USP42: variants seen among roughly 807,000 people sequenced by gnomAD.
USP42 encodes ubiquitin carboxyl-terminal hydrolase 42.
In USP42, 23 loss-of-function variants were observed where a neutral mutation model predicts 113.0. The observed-to-expected ratio is 0.20, with a 90% CI of 0.15 to 0.29. The LOEUF (loss-of-function observed/expected upper bound fraction) is 0.29. USP42 is among the 10% of genes least tolerant of loss of function. USP42 has a pLI of 1.00. For missense variants in USP42, 2,174 were observed against 1,779.8 expected, an observed-to-expected ratio of 1.22 and a Z score of -3.99; for synonymous variants, 933 against 699.0, an observed-to-expected ratio of 1.33 and a Z score of -5.28.
rs1207485772 is a variant in USP42, at chr7:6,158,885, G to T, written c.3944-565G>T. Reference sequence around the variant, plus strand: ...GCCCCCGAGGCAGCTGGTCCAGCGGGAGGGAGGTTGAACGTGATCTTGTTT... The same window carrying T: ...GCCCCCGAGGCAGCTGGTCCAGCGGTAGGGAGGTTGAACGTGATCTTGTTT... On this transcript the variant is annotated intron_variant, in intron 16 of 17. Coordinates refer to ENST00000306177, the MANE Select transcript of USP42 (RefSeq NM_032172.3). This position sits in a 1 kb window ranked among gnomAD's most constrained non-coding sequence, Gnocchi z 4.2. 6.6e-6 allele frequency among the ~76,000 whole-genome samples: 1 copy of T among 152,086 alleles called. No homozygotes were observed. The highest frequency in any genetic ancestry group is 2.4e-5 in the African/African-American group (1 of 41,402).
At chr7:6,083,773 T>C in the USP42 span, among the ~76,000 whole-genome samples, 2 of 150,860 alleles carry the variant, frequency 1.3e-5, no homozygotes, top group African/African-American at 5.0e-5. Flanking sequence ...GAACTCTCCA[T>C]CTTAGGGCAT....
chr7:6,123,709 G>A (rs564180880), intron 3 of USP42, among the ~76,000 whole-genome samples: 9 of 151,746 alleles, frequency 5.9e-5, no homozygotes, highest in East Asian at 3.9e-4. Flanking sequence ...TTAGCTAGGC[G>A]TGGTGGTGTT....
At chr7:6,112,757 C>T (rs187219996) in intron 2 of USP42, among the ~76,000 whole-genome samples, 3 of 151,950 alleles carry the variant, frequency 2.0e-5, no homozygotes, top group East Asian at 3.9e-4. Flanking sequence ...CATTAGCTGT[C>T]GTTAGTGTTA....
chr7:6,096,193 C>T, the USP42 span, among the ~76,000 whole-genome samples: 1 of 151,336 alleles, frequency 6.6e-6, no homozygotes, highest in African/African-American at 2.5e-5. Flanking sequence ...GTATACCTGG[C>T]CAGGCGTGGT....
chr7:6,147,947 C>T (rs755040467), intron 12 of USP42, 55 bp downstream of exon 12: 1 of 1,520,518 alleles, frequency 6.6e-7, no homozygotes, highest in Non-Finnish European at 8.9e-7. Context: ...AATGTAACTT[C>T]AAACTCTCAA....
rs763813423 is a variant in USP42, at chr7:6,154,633, G to C, written c.3079G>C (p.Gly1027Arg). 6 of 1,602,690 alleles carry C rather than the reference G, an allele frequency of 3.7e-6. No individual in the cohort carries two copies. Among genetic ancestry groups the C allele is most frequent in the South Asian group, 2.2e-5 (2 of 89,118 alleles). Reference protein sequence around the residue: ...CSHHHSRHRSGVELDWVRHHY... With the variant: ...CSHHHSRHRSRVELDWVRHHY... ...TCACCACCACTCCCGACACCGGAGC[G>C]GGGTGGAGCTGGACTGGGTCAGACA... Residue 1027 changes from glycine to arginine, a missense_variant, in exon 15 of 18, where the codon GGG (glycine) becomes CGG (arginine). Coordinates refer to ENST00000306177, the MANE Select transcript of USP42 (RefSeq NM_032172.3).
chr7:6,098,106 T>C, the USP42 span, among the ~76,000 whole-genome samples: 314 of 148,340 alleles, frequency 2.1e-3, 13 homozygotes, highest in East Asian at 0.057. Flanking sequence ...GGTTTCACCA[T>C]GTTGGCCAGG....
At chr7:6,148,691 C>T (rs11535148) in intron 12 of USP42, among the ~76,000 whole-genome samples, 10,066 of 152,214 alleles carry the variant, frequency 0.066, 782 homozygotes, top group East Asian at 0.43. Context: ...CTCATCTGAG[C>T]TGTGGCATCT....
rs946471817 is a variant in USP42, at chr7:6,158,563, G to A, written c.3944-887G>A. 1.3e-5 allele frequency among the ~76,000 whole-genome samples: 2 copies of A among 152,218 alleles called. No homozygotes were observed. Among genetic ancestry groups the A allele is most frequent in the Admixed American group, 6.5e-5 (1 of 15,290 alleles). On this transcript the variant is annotated intron_variant, in intron 16 of 17. Transcript: ENST00000306177. This position sits in a 1 kb window ranked among gnomAD's most constrained non-coding sequence, Gnocchi z 4.2. ...CCTTAGAGTGTGTGAGAGAGAGCTGGGGGTTGCGGGGTGAGCCCCATGGGG... is the reference window on the plus strand; with the variant it reads ...CCTTAGAGTGTGTGAGAGAGAGCTGAGGGTTGCGGGGTGAGCCCCATGGGG...
the USP42 span, among the ~76,000 whole-genome samples, chr7:6,087,593 T>C: frequency 1.3e-5 from 2 of 150,830 alleles, no homozygotes; most frequent in African/African-American, 5.0e-5. Flanking sequence ...CGCTTCGGCC[T>C]CCCAAAGTGC....
intron 14 of USP42, 148 bp from the exon 15 acceptor site, chr7:6,153,608 A>G: frequency 1.9e-6 from 2 of 1,061,860 alleles, no homozygotes; most frequent in Admixed American, 3.5e-5. Flanking sequence ...CATTGTGCAC[A>G]TGTAGCCTGA....
rs1187014222 is a variant in USP42 at position 6,149,603 on chromosome 7, G to C, written c.1407G>C (p.Gly469=). The change falls in exon 13 of 18, where the codon GGG becomes GGC. Residue 469 remains glycine (G), a synonymous_variant. Coordinates refer to ENST00000306177, the MANE Select transcript of USP42 (RefSeq NM_032172.3). ...TCCAGAATCCACCTCACTTAAATGGGACTGGACCATTGAAAGACACGCCAA... is the reference window on the plus strand; with the variant it reads ...TCCAGAATCCACCTCACTTAAATGGCACTGGACCATTGAAAGACACGCCAA... ...HMIKNPPHLN[G]TGPLKDTPSS... The C allele has an allele frequency of 6.2e-7, 1 of 1,613,794 alleles. No homozygotes were observed. Among genetic ancestry groups the C allele is most frequent in the Admixed American group, 1.7e-5 (1 of 60,008 alleles).
chr7:6,159,340 C>A lies in USP42; in HGVS notation c.3944-110C>A. On this transcript the variant is annotated intron_variant, in intron 16 of 17. Coordinates refer to ENST00000306177, the MANE Select transcript of USP42 (RefSeq NM_032172.3). The surrounding 1 kb of genome is among the most constrained non-coding windows in gnomAD (Gnocchi z 4.1). ...ACTGGGGAGTGGCCTCAGGCGCTCACAGGGAACCGCAGTGACTCTGACCAT... is the reference window on the plus strand; with the variant it reads ...ACTGGGGAGTGGCCTCAGGCGCTCAAAGGGAACCGCAGTGACTCTGACCAT... 1.4e-6 allele frequency: 2 copies of A among 1,475,556 alleles called. No homozygotes were observed. The highest frequency in any genetic ancestry group is 1.9e-6 in the Non-Finnish European group (2 of 1,069,504). 91.4% of individuals were successfully genotyped at this position (1,475,556 alleles called of 1,614,324 possible).
chr7:6,154,258 C>T lies in USP42; in HGVS notation c.2704C>T (p.Pro902Ser). ...CGAGGCCGCAGAGCGGCCGCCAGCT[C>T]CTGTGCTGGACATGGCCCCGGCCGG... is the stretch of plus-strand genomic sequence containing the variant. ...APEAAERPPA[P>S]VLDMAPAGHP... The change falls in exon 15 of 18, where the codon CCT becomes TCT. Residue 902 changes from proline to serine, a missense_variant. Coordinates refer to ENST00000306177, the MANE Select transcript of USP42 (RefSeq NM_032172.3). 1 of 1,604,694 alleles carries T rather than the reference C, an allele frequency of 6.2e-7. No homozygotes were observed. Among genetic ancestry groups the T allele is most frequent in the East Asian group, 2.2e-5 (1 of 44,530 alleles).
At chr7:6,097,816 TC>T in the USP42 span, among the ~76,000 whole-genome samples, 1 of 150,014 alleles carries the variant, frequency 6.7e-6, no homozygotes, top group African/African-American at 2.5e-5. Context: ...GGTCTCGATC[TC>T]CTGACCTCGT....
Position 6,159,618 on chromosome 7 carries a change from G to A in USP42, c.*36+125G>A. ...TCATAGGAGTTGGCAGAGCCATGGA[G>A]AGGCCCCGGCAGGTTCCCAGCCAGC... On this transcript the variant is annotated intron_variant, in intron 17 of 17. Transcript: ENST00000306177. The surrounding 1 kb of genome is among the most constrained non-coding windows in gnomAD (Gnocchi z 4.1). 3.0e-6 allele frequency: 3 copies of A among 997,014 alleles called. No homozygotes were observed. The highest frequency in any genetic ancestry group is 3.2e-5 in the South Asian group (2 of 62,776). The allele number at this position is 997,014 out of a possible 1,614,324, so 61.8% of individuals were successfully genotyped here. A position where few individuals can be genotyped will look rare whatever the true frequency, so the allele number is the denominator to read the frequency against.
At chr7:6,102,128 T>C (rs1790144933), upstream of USP42, among the ~76,000 whole-genome samples, 1 of 132,978 alleles carries the variant, frequency 7.5e-6, no homozygotes, top group Admixed American at 7.6e-5. Flanking sequence ...TTTTTTTTTT[T>C]TGAGACAGAC....
Position 6,139,808 on chromosome 7 carries a change from T to A in USP42, c.657-320T>A. 1 of 424,650 alleles carries A rather than the reference T, an allele frequency of 2.4e-6. No individual in the cohort carries two copies. The highest frequency in any genetic ancestry group is 4.3e-6 in the Non-Finnish European group (1 of 231,930). 26.3% of individuals were successfully genotyped at this position (424,650 alleles called of 1,614,324 possible). ...CTCTGCCTTTTCCGCCTCCGCTCCCTTTCCTCCCACACAGGCCGCAGTGCC... is the reference window on the plus strand; with the variant it reads ...CTCTGCCTTTTCCGCCTCCGCTCCCATTCCTCCCACACAGGCCGCAGTGCC... On this transcript the variant is annotated intron_variant, in intron 5 of 17. Transcript: ENST00000306177. The surrounding 1 kb of genome is among the most constrained non-coding windows in gnomAD (Gnocchi z 4.5).
the USP42 span, among the ~76,000 whole-genome samples, chr7:6,082,613 T>TTG: frequency 2.4e-5 from 2 of 84,282 alleles, no homozygotes; most frequent in Non-Finnish European, 5.8e-5. Flanking sequence ...GTTTTTTTTT[T>TTG]TTTTTTTTTT....
Sources: allele counts gnomAD v4.1 joint callset (sites outside exome capture counted in the v4.1 genomes callset), GRCh38; gene constraint gnomAD v4.1.1; non-coding constraint Gnocchi (gnomAD v3.1); transcripts MANE v1.5; gene names NCBI Gene and HGNC (gene_info 2026-07-23, HGNC 2026-07-21).